Variants in ANGPT4 observed in about 807,000 individuals in gnomAD.
ANGPT4 encodes the protein angiopoietin-4.
In ANGPT4, 50 loss-of-function variants were observed where a neutral mutation model predicts 53.0. The ratio of observed to expected loss-of-function variants is 0.94; its 90% CI spans 0.75 to 1.20. ANGPT4 has a LOEUF of 1.20. ANGPT4 is among the 50% of genes most tolerant of loss of function. The probability of loss-of-function intolerance (pLI) is 0.00; values close to 1 mark genes in which losing one functional copy is unlikely to be tolerated. For synonymous variants in ANGPT4, 251 were observed against 259.7 expected, an observed-to-expected ratio of 0.97 and a Z score of 0.32; for missense variants, 648 against 637.1, an observed-to-expected ratio of 1.02 and a Z score of -0.18.
chr20:874,766 G>A (rs1210439085), intron 7 of ANGPT4, among the ~76,000 whole-genome samples: 1 of 152,194 alleles, frequency 6.6e-6, no homozygotes, highest in Non-Finnish European at 1.5e-5. Flanking sequence ...AGGCTGGAGT[G>A]CAGTGGCACA....
intron 1 of ANGPT4, among the ~76,000 whole-genome samples, chr20:905,855 A>T (rs1389505514): frequency 6.6e-6 from 1 of 152,218 alleles, no homozygotes; most frequent in Non-Finnish European, 1.5e-5. Flanking sequence ...CATGACCCCA[A>T]GGCCCTACAA....
chr20:890,493 G>T (rs750495576), intron 1 of ANGPT4, 125 bp from the exon 2 acceptor site: 1 of 799,010 alleles, frequency 1.3e-6, no homozygotes, highest in Non-Finnish European at 1.9e-6. Flanking sequence ...AACATGCCGG[G>T]CCAGGTCAGG....
In ANGPT4 at chr20:908,252, T is replaced by G. The variant is rs1426625561; in HGVS notation, c.309+7654A>C. The stretch of plus-strand genomic sequence containing the variant: ...GAACAGGGTCAGGACCAGGGACATC[T>G]GTCTGGCTCCTGGTGAGCACTCCAG... On this transcript the variant is annotated intron_variant, in intron 1 of 8. Coordinates refer to ENST00000381922, the MANE Select transcript of ANGPT4 (RefSeq NM_015985.4). This position sits in a 1 kb window ranked among gnomAD's most constrained non-coding sequence, Gnocchi z 4.9. Among the ~76,000 whole-genome samples, 2 of 152,180 alleles carry G rather than the reference T, an allele frequency of 1.3e-5. No homozygotes were observed. The highest frequency in any genetic ancestry group is 4.8e-5 in the African/African-American group (2 of 41,438).
At chr20:895,165 C>T (rs926977950) in intron 1 of ANGPT4, among the ~76,000 whole-genome samples, 18 of 152,198 alleles carry the variant, frequency 1.2e-4, no homozygotes, top group African/African-American at 2.9e-4. Context: ...GAGGAACTCA[C>T]CCAGCGTGGG....
chr20:890,149 T>C, intron 2 of ANGPT4, 64 bp downstream of exon 2: 3 of 1,565,432 alleles, frequency 1.9e-6, no homozygotes, highest in Non-Finnish European at 8.7e-7. Context: ...GTAAGATGAC[T>C]GGGGCTACGA....
At chr20:894,966 C>A (rs565648437) in intron 1 of ANGPT4, among the ~76,000 whole-genome samples, 2 of 152,194 alleles carry the variant, frequency 1.3e-5, no homozygotes, top group Non-Finnish European at 2.9e-5. Context: ...AGGTTACCCA[C>A]AGCTGGATCC....
chr20:888,601 C>T (rs1981712099), intron 2 of ANGPT4, among the ~76,000 whole-genome samples, 162 bp from the exon 3 acceptor site: 1 of 152,186 alleles, frequency 6.6e-6, no homozygotes, highest in South Asian at 2.1e-4. Flanking sequence ...CTGACTTAAG[C>T]TTATTACCTG....
chr20:872,696 C>T lies in ANGPT4; in HGVS notation c.*264G>A, dbSNP rs1980986671. The stretch of plus-strand genomic sequence containing the variant: ...CATTCAAGGTACTGTGACCCTCAGG[C>T]AGGGAGCCCCTGAAGGGGGAGGGAG... On this transcript the variant is annotated 3_prime_UTR_variant, in exon 9 of 9. Coordinates refer to ENST00000381922, the MANE Select transcript of ANGPT4 (RefSeq NM_015985.4). 2.1e-6 allele frequency: 1 copy of T among 476,666 alleles called. No homozygotes were observed. The highest frequency in any genetic ancestry group is 2.0e-5 in the African/African-American group (1 of 51,170). The allele number at this position is 476,666 out of a possible 1,614,324, so 29.5% of individuals were successfully genotyped here. A position where few individuals can be genotyped will look rare whatever the true frequency, so the allele number is the denominator to read the frequency against.
At chr20:880,030 T>C (rs528348071) in intron 5 of ANGPT4, among the ~76,000 whole-genome samples, 182 bp from the exon 6 acceptor site, 11 of 152,314 alleles carry the variant, frequency 7.2e-5, no homozygotes, top group African/African-American at 2.6e-4. Flanking sequence ...TTTTCTAAAG[T>C]GGTGGGTAAG....
At chr20:904,275 C>T (rs1307899327) in intron 1 of ANGPT4, among the ~76,000 whole-genome samples, 2 of 152,236 alleles carry the variant, frequency 1.3e-5, no homozygotes, top group South Asian at 4.1e-4. Flanking sequence ...TCTACATCTG[C>T]AGTAACTGTG....
intron 4 of ANGPT4, among the ~76,000 whole-genome samples, chr20:882,359 G>A (rs1981442603): frequency 6.6e-6 from 1 of 152,164 alleles, no homozygotes; most frequent in Non-Finnish European, 1.5e-5. Context: ...CAGGTACCCA[G>A]GATGGGGCTA....
intron 4 of ANGPT4, among the ~76,000 whole-genome samples, chr20:881,545 A>G (rs1035460584): frequency 9.5e-4 from 145 of 152,274 alleles, no homozygotes; most frequent in African/African-American, 3.4e-3. Context: ...CAAGGTAGGA[A>G]GGGCCCTAGT....
At chr20:913,262 A>G (rs1982775665) in intron 1 of ANGPT4, among the ~76,000 whole-genome samples, 1 of 152,186 alleles carries the variant, frequency 6.6e-6, no homozygotes, top group Admixed American at 6.5e-5. Context: ...ATATGCCTGG[A>G]CCAAGAGAAG....
chr20:899,144 T>C (rs1982175161), intron 1 of ANGPT4, among the ~76,000 whole-genome samples: 1 of 152,194 alleles, frequency 6.6e-6, no homozygotes, highest in South Asian at 2.1e-4. Flanking sequence ...CCACATTACC[T>C]ACTTTTCAAG....
rs1402005914 is a variant in ANGPT4 at position 874,381 on chromosome 20, C to A, written c.1254G>T (p.Gly418=). Reference sequence around the variant, plus strand: ...TCTGCAGGACCAGGCTGCTCTGGCGCCCTGCTGAGCCGCTGTACCCGACCA... The same window carrying A: ...TCTGCAGGACCAGGCTGCTCTGGCGACCTGCTGAGCCGCTGTACCCGACCA... The part of the protein sequence containing the change: ...LSVVGYSGSA[G]RQSSLVLQNT... Residue 418 remains glycine, a synonymous_variant, in exon 8 of 9, where the codon GGG becomes GGT. Coordinates refer to ENST00000381922, the MANE Select transcript of ANGPT4 (RefSeq NM_015985.4). 1.2e-6 allele frequency: 2 copies of A among 1,613,784 alleles called. No individual in the cohort carries two copies. Among genetic ancestry groups the A allele is most frequent in the Non-Finnish European group, 1.7e-6 (2 of 1,180,044 alleles).
At chr20:910,408 A>G (rs1236955879) in intron 1 of ANGPT4, among the ~76,000 whole-genome samples, 1 of 152,224 alleles carries the variant, frequency 6.6e-6, no homozygotes, top group Non-Finnish European at 1.5e-5. Flanking sequence ...AGAGGAGCCA[A>G]TTGATATATG....
At position 872,109 on chromosome 20, in the gene ANGPT4, T is replaced by C. The variant is rs750171388; in HGVS notation, c.*851A>G. The C allele has an allele frequency of 3.9e-5, 6 of 152,162 alleles. No individual in the cohort carries two copies. Among genetic ancestry groups the C allele is most frequent in the Non-Finnish European group, 8.8e-5 (6 of 68,044 alleles). 9.4% of individuals were successfully genotyped at this position (152,162 alleles called of 1,614,324 possible). A position where few individuals can be genotyped will look rare whatever the true frequency, so the allele number is the denominator to read the frequency against. On this transcript the variant is annotated 3_prime_UTR_variant, in exon 9 of 9. Transcript: ENST00000381922. The stretch of plus-strand genomic sequence containing the variant: ...CTGCCCACTCTAGCCCCTTCATGGG[T>C]AGTCACAAGGCACTTGGCCATATTA...
intron 3 of ANGPT4, among the ~76,000 whole-genome samples, chr20:886,460 A>G (rs1166028234): frequency 6.6e-6 from 1 of 152,246 alleles, no homozygotes; most frequent in Non-Finnish European, 1.5e-5. Context: ...GTAGTAGGCT[A>G]CATTTGGGCT....
rs547873025 is a variant in ANGPT4, at chr20:871,875, G to A, written c.*1085C>T. On this transcript the variant is annotated 3_prime_UTR_variant, in exon 9 of 9. Coordinates refer to ENST00000381922, the MANE Select transcript of ANGPT4 (RefSeq NM_015985.4). ...GGGATGGTATCTGTTTTAACTGAAAGGTTATTTCCAGTTGTTTTTAGAGGT... is the reference window on the plus strand; with the variant it reads ...GGGATGGTATCTGTTTTAACTGAAAAGTTATTTCCAGTTGTTTTTAGAGGT... The A allele has an allele frequency of 1.1e-4, 16 of 152,298 alleles. No individual in the cohort carries two copies. In the East Asian group the frequency reaches 2.7e-3, roughly 26 times the overall value. 9.4% of individuals were successfully genotyped at this position (152,298 alleles called of 1,614,324 possible). A position where few individuals can be genotyped will look rare whatever the true frequency, so the allele number is the denominator to read the frequency against.
Sources: gnomAD v4.1 joint callset for allele counts (sites outside exome capture counted in the v4.1 genomes callset) on GRCh38, gnomAD v4.1.1 for gene constraint, Gnocchi (gnomAD v3.1) non-coding constraint, MANE v1.5 for transcripts, NCBI Gene and HGNC (gene_info 2026-07-23, HGNC 2026-07-21) for gene names.